Variants in PLPP4 observed in about 807,000 individuals in gnomAD.
The protein encoded by PLPP4 is diacylglycerol pyrophosphate like 2.
In PLPP4, 20 loss-of-function variants were observed where a neutral mutation model predicts 32.2. The ratio of observed to expected loss-of-function variants is 0.62; its 90% CI spans 0.44 to 0.90. PLPP4 has a LOEUF of 0.90. Ranked by LOEUF, PLPP4 falls within the 40% of genes least tolerant of loss-of-function variation. The pLI is 0.00. For synonymous variants in PLPP4, 127 were observed against 133.0 expected (o/e 0.95, Z 0.31); for missense variants, 257 against 353.1 (o/e 0.73, Z 2.18).
chr10:120,535,531 A>G (rs2133946943), intron 5 of PLPP4, among the ~76,000 whole-genome samples: 1 of 152,046 alleles, frequency 6.6e-6, no homozygotes, highest in Non-Finnish European at 1.5e-5. Flanking sequence ...TCTATCGGTC[A>G]CTGAGAGTAG....
At chr10:120,552,165 GGTGTGTGTGTGT>G (rs58426120) in intron 5 of PLPP4, among the ~76,000 whole-genome samples, 15 of 138,544 alleles carry the variant, frequency 1.1e-4, no homozygotes, top group South Asian at 5.0e-4. Flanking sequence ...GTGGTGGTGG[GGTGTGTGTGTGT>G]GTGTGTGTGT....
chr10:120,495,731 T>C (rs1844931749), intron 1 of PLPP4, among the ~76,000 whole-genome samples: 1 of 152,194 alleles, frequency 6.6e-6, no homozygotes, highest in African/African-American at 2.4e-5. Context: ...GTTGCCATTC[T>C]TCTATCTGCT....
intron 5 of PLPP4, among the ~76,000 whole-genome samples, chr10:120,538,044 C>CTGTGTG (rs1564825148): frequency 3.2e-4 from 10 of 31,236 alleles, no homozygotes; most frequent in African/African-American, 5.2e-4. Flanking sequence ...CTCTCTCTCT[C>CTGTGTG]TCTCTCTCTG....
intron 5 of PLPP4, among the ~76,000 whole-genome samples, chr10:120,540,871 C>T (rs1295072505): frequency 2.0e-5 from 3 of 152,182 alleles, no homozygotes; most frequent in African/African-American, 7.2e-5. Context: ...GCGGAACACC[C>T]TCCAGTGCAC....
At chr10:120,520,894 G>C in intron 4 of PLPP4, 77 bp from the exon 5 acceptor site, 2 of 1,564,214 alleles carry the variant, frequency 1.3e-6, no homozygotes, top group Admixed American at 3.4e-5. Flanking sequence ...GGGGCAGTGG[G>C]GAGTTGGGGG....
chr10:120,482,166 A>C (rs1317887070), intron 1 of PLPP4, among the ~76,000 whole-genome samples: 6 of 152,362 alleles, frequency 3.9e-5, no homozygotes, highest in East Asian at 3.9e-4. Flanking sequence ...AAAGACACCC[A>C]AAAATGTGGA....
At chr10:120,538,052 C>CTCTCTCTGTG (rs1847142984) in intron 5 of PLPP4, among the ~76,000 whole-genome samples, 1 of 18,992 alleles carries the variant, frequency 5.3e-5, no homozygotes, top group Non-Finnish European at 9.5e-5. Context: ...CTCTCTCTCT[C>CTCTCTCTGTG]TGTGTGTGTG....
chr10:120,582,134 C>T (rs1212475947), intron 6 of PLPP4, among the ~76,000 whole-genome samples: 2 of 152,180 alleles, frequency 1.3e-5, no homozygotes, highest in Admixed American at 6.5e-5. Context: ...CAGGGTCCTA[C>T]GGCTGCCATA....
At chr10:120,482,180 G>A (rs986065625) in intron 1 of PLPP4, among the ~76,000 whole-genome samples, 1 of 152,204 alleles carries the variant, frequency 6.6e-6, no homozygotes, top group Non-Finnish European at 1.5e-5. Flanking sequence ...ATGTGGAAGC[G>A]ACTTTGGAAC....
chr10:120,507,349 C>T (rs1564803274), intron 2 of PLPP4, among the ~76,000 whole-genome samples: 1 of 91,310 alleles, frequency 1.1e-5, no homozygotes, highest in African/African-American at 4.0e-5. Context: ...AGTTCTTCAT[C>T]ATCATCATCA....
Position 120,520,954 on chromosome 10 carries a change from C to T in PLPP4, c.321-17C>T, listed in dbSNP as rs775025079. 4.3e-6 allele frequency: 7 copies of T among 1,613,680 alleles called. No homozygotes were observed. Among genetic ancestry groups the T allele is most frequent in the Non-Finnish European group, 5.9e-6 (7 of 1,179,896 alleles). ...GGCAGCATTTTATATTGAAAATGTC[C>T]ATGGTGTCTTTTGTAGACCTCGCCC... is the stretch of plus-strand genomic sequence containing the variant. On this transcript the variant is annotated splice_polypyrimidine_tract_variant and intron_variant, in intron 4 of 6. Coordinates refer to ENST00000398250, the MANE Select transcript of PLPP4 (RefSeq NM_001030059.3).
chr10:120,574,516 G>A (rs1440790214), intron 5 of PLPP4, among the ~76,000 whole-genome samples: 6 of 152,032 alleles, frequency 3.9e-5, no homozygotes, highest in African/African-American at 4.8e-5. Context: ...CCATTATTTC[G>A]GACAGAAAAC....
intron 1 of PLPP4, among the ~76,000 whole-genome samples, chr10:120,485,894 A>G (rs74159416): frequency 0.034 from 5,139 of 152,250 alleles, 130 homozygotes; most frequent in South Asian, 0.08. Context: ...AGGGACAGTG[A>G]TATTTTTAAA....
At chr10:120,511,408 TC>T (rs1055102316) in intron 2 of PLPP4, among the ~76,000 whole-genome samples, 6 of 152,206 alleles carry the variant, frequency 3.9e-5, no homozygotes, top group Admixed American at 1.3e-4. Context: ...CATACTTTTT[TC>T]TGGGGTTTCA....
At chr10:120,515,383 A>T (rs1450276210) in intron 3 of PLPP4, among the ~76,000 whole-genome samples, 1 of 152,116 alleles carries the variant, frequency 6.6e-6, no homozygotes, top group East Asian at 1.9e-4. Context: ...TGTCTGGTTT[A>T]TGTGAGGCTT....
chr10:120,466,765 C>A (rs114019819), intron 1 of PLPP4, among the ~76,000 whole-genome samples: 107,525 of 151,382 alleles, frequency 0.71, 40,631 homozygotes, highest in East Asian at 0.92. Context: ...CGGGTACACT[C>A]TCTCACCTCC....
intron 5 of PLPP4, among the ~76,000 whole-genome samples, chr10:120,550,984 G>A (rs1847875740): frequency 6.6e-6 from 1 of 152,002 alleles, no homozygotes; most frequent in Non-Finnish European, 1.5e-5. Flanking sequence ...AATATTTACA[G>A]TTCATATGTC....
intron 4 of PLPP4, among the ~76,000 whole-genome samples, chr10:120,519,945 T>G (rs1347296019): frequency 6.6e-6 from 1 of 152,204 alleles, no homozygotes; most frequent in Non-Finnish European, 1.5e-5. Context: ...AGCATGAAGA[T>G]CCAGGCGCTG....
intron 1 of PLPP4, among the ~76,000 whole-genome samples, chr10:120,473,490 C>A (rs1843754507): frequency 6.6e-6 from 1 of 152,132 alleles, no homozygotes; most frequent in Non-Finnish European, 1.5e-5. Flanking sequence ...TTACTTTCCA[C>A]TGGGGTTCTT....
Sources: gnomAD v4.1 joint callset for allele counts (sites outside exome capture counted in the v4.1 genomes callset) on GRCh38, gnomAD v4.1.1 for gene constraint, MANE v1.5 for transcripts, NCBI Gene and HGNC (gene_info 2026-07-23, HGNC 2026-07-21) for gene names.